Variants in SUSD4 observed in about 807,000 individuals in gnomAD.
SUSD4 encodes the protein sushi domain-containing protein 4.
A neutral mutation model predicts 50.5 loss-of-function variants in SUSD4; 41 were observed. That is an observed-to-expected ratio of 0.81 (90% CI 0.63 to 1.05). The LOEUF (loss-of-function observed/expected upper bound fraction) is 1.05, where lower values mean the gene tolerates loss of function less well. SUSD4 is among the 50% of genes least tolerant of loss of function. SUSD4 has a pLI of 0.00. For missense variants in SUSD4, 580 were observed against 634.7 expected, an observed-to-expected ratio of 0.91 and a Z score of 0.93; for synonymous variants, 257 against 257.3, an observed-to-expected ratio of 1.00 and a Z score of 0.01.
chr1:223,299,143 G>A (rs1665025267), intron 2 of SUSD4, among the ~76,000 whole-genome samples: 2 of 152,146 alleles, frequency 1.3e-5, no homozygotes, highest in Admixed American at 6.5e-5. Context: ...TCCCAGCCTG[G>A]GTCATTTTTC....
At chr1:223,284,137 G>A (rs1297262166) in intron 3 of SUSD4, among the ~76,000 whole-genome samples, 3 of 152,062 alleles carry the variant, frequency 2.0e-5, no homozygotes, top group Admixed American at 6.5e-5. Context: ...TGTAAATGAC[G>A]AGTTAATGGG....
At chr1:223,254,517 G>A (rs894252450) in intron 5 of SUSD4, among the ~76,000 whole-genome samples, 5 of 151,844 alleles carry the variant, frequency 3.3e-5, no homozygotes, top group Non-Finnish European at 7.4e-5. Flanking sequence ...CAGCAGATTC[G>A]GAGAGAGAGG....
intron 2 of SUSD4, among the ~76,000 whole-genome samples, chr1:223,333,388 A>G (rs930184916): frequency 6.6e-6 from 1 of 152,170 alleles, no homozygotes; most frequent in African/African-American, 2.4e-5. Flanking sequence ...AACCACCAAG[A>G]AGAGTGCCTA....
At chr1:223,226,700 T>C (rs777793806) in intron 7 of SUSD4, among the ~76,000 whole-genome samples, 4 of 152,128 alleles carry the variant, frequency 2.6e-5, no homozygotes, top group Non-Finnish European at 5.9e-5. Flanking sequence ...GCTGTCCCTG[T>C]GGGCAAAAAA....
upstream of SUSD4, among the ~76,000 whole-genome samples, chr1:223,365,047 G>A (rs1027914760): frequency 6.6e-6 from 1 of 152,156 alleles, no homozygotes; most frequent in African/African-American, 2.4e-5. Flanking sequence ...CGCTCCCGGG[G>A]GCGGGGAGGC....
chr1:223,222,634 G>A (rs1349878300), intron 8 of SUSD4, among the ~76,000 whole-genome samples: 1 of 152,182 alleles, frequency 6.6e-6, no homozygotes, highest in Admixed American at 6.5e-5. Flanking sequence ...GCTCTCATTT[G>A]CAAAGTGGCA....
At chr1:223,319,551 C>G (rs1434213073) in intron 2 of SUSD4, among the ~76,000 whole-genome samples, 4 of 152,186 alleles carry the variant, frequency 2.6e-5, no homozygotes, top group Non-Finnish European at 5.9e-5. Flanking sequence ...ACAATACACC[C>G]CCTTAATCCA....
chr1:223,287,237 T>C (rs918480298), intron 3 of SUSD4, among the ~76,000 whole-genome samples: 1 of 152,186 alleles, frequency 6.6e-6, no homozygotes. Context: ...CCACCACACC[T>C]GACTAATTTT....
intron 5 of SUSD4, among the ~76,000 whole-genome samples, chr1:223,243,551 C>T (rs572971042): frequency 1.8e-4 from 27 of 152,356 alleles, no homozygotes; most frequent in African/African-American, 5.5e-4. Flanking sequence ...CAGCAAAGGC[C>T]ACCTTGTGAT....
At chr1:223,223,696 A>G in intron 7 of SUSD4, 65 bp from the exon 8 acceptor site, 1 of 1,502,182 alleles carries the variant, frequency 6.7e-7, no homozygotes, top group South Asian at 1.3e-5. Flanking sequence ...GGCCACCCAT[A>G]CTCCCTCCTG....
chr1:223,301,389 A>G (rs1418030519), intron 2 of SUSD4, among the ~76,000 whole-genome samples: 1 of 152,208 alleles, frequency 6.6e-6, no homozygotes, highest in African/African-American at 2.4e-5. Flanking sequence ...TCTGTACCAC[A>G]TTCCTGGGGA....
At chr1:223,359,608 C>T (rs1334560804) in intron 2 of SUSD4, among the ~76,000 whole-genome samples, 1 of 152,174 alleles carries the variant, frequency 6.6e-6, no homozygotes, top group African/African-American at 2.4e-5. Flanking sequence ...TTTTCTTGCT[C>T]TCAATCAAAA....
intron 7 of SUSD4, among the ~76,000 whole-genome samples, chr1:223,224,666 T>TCCC (rs1353376991): frequency 8.6e-5 from 13 of 151,996 alleles, no homozygotes; most frequent in Non-Finnish European, 1.5e-5. Context: ...TCTGCAGGGC[T>TCCC]CCCTCACGTG....
intron 2 of SUSD4, among the ~76,000 whole-genome samples, chr1:223,336,974 C>A (rs140400739): frequency 6.6e-6 from 1 of 152,290 alleles, no homozygotes; most frequent in African/African-American, 2.4e-5. Context: ...TGGAAAAGGA[C>A]ACCACCACCA....
intron 3 of SUSD4, among the ~76,000 whole-genome samples, chr1:223,284,432 C>A (rs189339739): frequency 3.8e-4 from 58 of 152,274 alleles, no homozygotes; most frequent in Non-Finnish European, 7.4e-4. Context: ...TCTGTCACTA[C>A]CAAGGAGACC....
chr1:223,239,263 T>C (rs565873985), intron 5 of SUSD4, among the ~76,000 whole-genome samples: 57 of 152,186 alleles, frequency 3.7e-4, no homozygotes, highest in African/African-American at 1.4e-3. Context: ...AAAAAACAGA[T>C]AGTTGAATCA....
intron 5 of SUSD4, among the ~76,000 whole-genome samples, chr1:223,253,064 C>T (rs1661443904): frequency 1.3e-5 from 2 of 151,010 alleles, no homozygotes; most frequent in African/African-American, 4.9e-5. Flanking sequence ...GCACTCCAGC[C>T]TGGGTGAGAC....
rs1179101300 is a variant in SUSD4, at chr1:223,332,366, GAATT to G, written c.148+30908_148+30911del. On this transcript the variant is annotated intron_variant, in intron 2 of 8. Coordinates refer to ENST00000366878, the MANE Select transcript of SUSD4 (RefSeq NM_017982.4). The surrounding 1 kb of genome is among the most constrained non-coding windows in gnomAD (Gnocchi z 4.0). ...ATATCTATATTCAGACACGGTACCT[GAATT>G]TCCAACAAGCATCAAAAGGATTAAA... is the stretch of plus-strand genomic sequence containing the variant. Among the ~76,000 whole-genome samples the G allele has an allele frequency of 1.3e-5, 2 of 152,134 alleles. No individual in the cohort carries two copies. Among genetic ancestry groups the G allele is most frequent in the African/African-American group, 4.8e-5 (2 of 41,426 alleles).
In SUSD4 at chr1:223,229,202, T is replaced by A. The variant is rs1558164031; in HGVS notation, c.911A>T (p.Lys304Ile). 1.1e-5 allele frequency: 17 copies of A among 1,599,112 alleles called. No homozygotes were observed. The highest frequency in any genetic ancestry group is 1.5e-5 in the Non-Finnish European group (17 of 1,167,564). The change falls in exon 6 of 9, where the codon AAA (lysine) becomes ATA (isoleucine). Residue 304 changes from lysine (K) to isoleucine (I), a missense_variant. Coordinates refer to ENST00000366878, the MANE Select transcript of SUSD4 (RefSeq NM_017982.4). This position sits in a 1 kb window ranked among gnomAD's most constrained non-coding sequence, Gnocchi z 4.7. ...WFPSYQVYCI[K>I]SEQTWPSTHE... ...GGTGAGGCCTTCAGTCTTACCTGATTTGATGCAGTAGACTTGATAAGAAGG... is the reference window on the plus strand; with the variant it reads ...GGTGAGGCCTTCAGTCTTACCTGATATGATGCAGTAGACTTGATAAGAAGG...
Sources: allele counts gnomAD v4.1 joint callset (sites outside exome capture counted in the v4.1 genomes callset), GRCh38; gene constraint gnomAD v4.1.1; non-coding constraint Gnocchi (gnomAD v3.1); transcripts MANE v1.5; gene names NCBI Gene and HGNC (gene_info 2026-07-23, HGNC 2026-07-21).